Variants in YLPM1 observed in about 807,000 individuals in gnomAD.
YLPM1 encodes the protein YLP motif-containing protein 1.
YLPM1 carries 99 observed loss-of-function variants against 230.0 expected under a neutral mutation model. That is an observed-to-expected ratio of 0.43 (90% confidence interval 0.37 to 0.51). YLPM1 has a LOEUF of 0.51. YLPM1 is among the 20% of genes least tolerant of loss of function. The pLI is 0.00. For synonymous variants in YLPM1, 984 were observed against 942.5 expected (o/e 1.04, Z -0.81); for missense variants, 2,592 against 2,707.7 (o/e 0.96, Z 0.95).
chr14:74,763,585 G>T lies in YLPM1; in HGVS notation c.96G>T (p.Pro32=). 1 of 1,580,766 alleles carries T rather than the reference G, an allele frequency of 6.3e-7. No individual in the cohort carries two copies. ...CAGTGGCGCTTCCTGAGGCCTCGCC[G>T]GGGCCCGGGTACTCGAGCTCGACGA... ...PPPVALPEAS[P]GPGYSSSTTP... Residue 32 remains proline (P), a synonymous_variant, in exon 1 of 21, where the codon CCG becomes CCT. Transcript: ENST00000325680.
In YLPM1 at chr14:74,799,452, A is replaced by G; in HGVS notation, c.4155A>G (p.Glu1385=). ...EYPERGDTWR[E]KRDYVPDRMD... is the part of the protein sequence containing the mutation. The stretch of plus-strand genomic sequence containing the variant: ...CAGAAAGAGGAGATACATGGCGGGA[A>G]AAGCGAGATTATGTTCCTGACAGAA... The change falls in exon 5 of 21, where the codon GAA becomes GAG. Residue 1385 remains glutamate (E), a synonymous_variant. Coordinates refer to ENST00000325680, the MANE Select transcript of YLPM1 (RefSeq NM_019589.3). 2 of 1,614,014 alleles carry G rather than the reference A, an allele frequency of 1.2e-6. No homozygotes were observed. The highest frequency in any genetic ancestry group is 2.2e-5 in the South Asian group (2 of 91,082).
chr14:74,823,903 A>G (rs2091542954), intron 17 of YLPM1: 1 of 171,562 alleles, frequency 5.8e-6, no homozygotes, highest in Non-Finnish European at 1.2e-5. Context: ...AAATTCTCTG[A>G]TACTCTGAGT....
At chr14:74,808,335 T>C (rs2091398976) in intron 6 of YLPM1, among the ~76,000 whole-genome samples, 1 of 152,236 alleles carries the variant, frequency 6.6e-6, no homozygotes, top group Non-Finnish European at 1.5e-5. Context: ...TTTCTTTTTA[T>C]TTATAACCTG....
chr14:74,835,126 T>G, intron 19 of YLPM1, 139 bp from the exon 20 acceptor site: 1 of 1,094,190 alleles, frequency 9.1e-7, no homozygotes. Context: ...CTTTTCCCAG[T>G]TTTCCTGGGT....
chr14:74,778,573 G>A lies in YLPM1; in HGVS notation c.1000G>A (p.Val334Ile). The part of the protein sequence containing the change: ...KDTPEPVKEE[V>I]TVPATSQVPE... Reference sequence around the variant, plus strand: ...TACACCAGAGCCGGTAAAAGAAGAAGTTACAGTACCTGCCACCAGTCAAGT... The same window carrying A: ...TACACCAGAGCCGGTAAAAGAAGAAATTACAGTACCTGCCACCAGTCAAGT... Residue 334 changes from valine (V) to isoleucine (I), a missense_variant, in exon 2 of 21, where the codon GTT becomes ATT. Val to Ile is a conservative substitution (Grantham distance 29, BLOSUM62 3). Transcript: ENST00000325680. 1 of 1,604,786 alleles carries A rather than the reference G, an allele frequency of 6.2e-7. No individual in the cohort carries two copies. Among genetic ancestry groups the A allele is most frequent in the Non-Finnish European group, 8.5e-7 (1 of 1,175,822 alleles).
intron 11 of YLPM1, among the ~76,000 whole-genome samples, chr14:74,814,328 T>C (rs2091460110): frequency 6.6e-6 from 1 of 152,180 alleles, no homozygotes; most frequent in Non-Finnish European, 1.5e-5. Flanking sequence ...GCCACTGCAC[T>C]CCAGCCTGGG....
chr14:74,775,418 T>C (rs2091025853), intron 1 of YLPM1, among the ~76,000 whole-genome samples: 1 of 152,218 alleles, frequency 6.6e-6, no homozygotes, highest in Non-Finnish European at 1.5e-5. Context: ...ATGCATCTGT[T>C]TGCATATGGA....
chr14:74,821,276 G>A (rs1186331628), intron 17 of YLPM1, 139 bp downstream of exon 17: 3 of 1,258,186 alleles, frequency 2.4e-6, no homozygotes, highest in Non-Finnish European at 3.1e-6. Flanking sequence ...TCTTCAAGGA[G>A]ACTTTTGGAT....
intron 16 of YLPM1, 89 bp from the exon 17 acceptor site, chr14:74,820,960 TCTGGGCAA>T: frequency 7.6e-7 from 1 of 1,314,206 alleles, no homozygotes. Context: ...CCTGTCTTGC[TCTGGGCAA>T]CTGTATTCAT....
At chr14:74,834,111 G>A (rs1408095249) in intron 19 of YLPM1, among the ~76,000 whole-genome samples, 1 of 151,052 alleles carries the variant, frequency 6.6e-6, no homozygotes, top group Non-Finnish European at 1.5e-5. Context: ...CACTTTGGGC[G>A]GCCAAGGCAG....
In YLPM1 at chr14:74,782,529, A is replaced by G. The variant is rs185249142; in HGVS notation, c.2282+204A>G. ...TCTTTGATGTCTCTGCTTTTGTCCT[A>G]TATGTAGAGATTATAATCCAGAATG... On this transcript the variant is annotated intron_variant, in intron 4 of 20. Coordinates refer to ENST00000325680, the MANE Select transcript of YLPM1 (RefSeq NM_019589.3). Among the ~76,000 whole-genome samples, 15 of 152,188 alleles carry G rather than the reference A, an allele frequency of 9.9e-5. No individual in the cohort carries two copies. The East Asian group carries it at 2.5e-3, about 25-fold the overall frequency.
chr14:74,807,511 G>A (rs1006863568), intron 6 of YLPM1, among the ~76,000 whole-genome samples: 3 of 152,058 alleles, frequency 2.0e-5, no homozygotes, highest in Non-Finnish European at 2.9e-5. Flanking sequence ...GCAAGACCCC[G>A]TCTTTACCAA....
intron 18 of YLPM1, chr14:74,827,690 G>A: frequency 1.0e-6 from 1 of 985,340 alleles, no homozygotes; most frequent in Non-Finnish European, 1.2e-6. Flanking sequence ...ATCCTTTGAG[G>A]TTTATCTAAT....
intron 15 of YLPM1, 69 bp from the exon 16 acceptor site, chr14:74,818,162 T>C (rs2091494110): frequency 3.4e-6 from 3 of 870,390 alleles, no homozygotes; most frequent in African/African-American, 3.5e-5. Flanking sequence ...AAATGTTGTT[T>C]ATCTTGGATG....
At chr14:74,817,540 C>A (rs2091488949) in intron 15 of YLPM1, among the ~76,000 whole-genome samples, 1 of 152,110 alleles carries the variant, frequency 6.6e-6, no homozygotes, top group Non-Finnish European at 1.5e-5. Flanking sequence ...TAAGTATACT[C>A]CATGATGTTC....
chr14:74,781,345 A>G lies in YLPM1; in HGVS notation c.1302A>G (p.Val434=). Reference sequence around the variant, plus strand: ...CCCTTTATTTGTAGACCATGTCTGTAGATATGCAGCTGCGGCATTATGAGA... The same window carrying G: ...CCCTTTATTTGTAGACCATGTCTGTGGATATGCAGCTGCGGCATTATGAGA... ...QPPPHIQTMS[V]DMQLRHYEMQ... The change falls in exon 4 of 21, where the codon GTA becomes GTG. Residue 434 remains valine, a synonymous_variant. Transcript: ENST00000325680. The G allele has an allele frequency of 6.4e-7, 1 of 1,563,024 alleles. No individual in the cohort carries two copies. The highest frequency in any genetic ancestry group is 8.7e-7 in the Non-Finnish European group (1 of 1,153,040).
Position 74,821,136 on chromosome 14 carries a change from TG to T in YLPM1, c.6111+1del. The part of the protein sequence containing the change: ...KKDAEEEESE[L>X]GYIPKSKWEM... ...GATGCAGAGGAAGAGGAAAGCGAAC[TG>T]GTAGGAGACAGACCAACCACTTTGA... On this transcript the variant is annotated frameshift_variant and splice_region_variant, in exon 17 of 21. Transcript: ENST00000325680. LOFTEE classifies it high-confidence loss of function. The T allele has an allele frequency of 6.5e-7, 1 of 1,543,790 alleles. No homozygotes were observed. The highest frequency in any genetic ancestry group is 1.2e-5 in the South Asian group (1 of 81,760).
chr14:74,783,388 G>C (rs551038235), intron 4 of YLPM1, among the ~76,000 whole-genome samples: 6 of 152,264 alleles, frequency 3.9e-5, no homozygotes, highest in Admixed American at 3.3e-4. Flanking sequence ...CGCTCAGCCA[G>C]AAAAATACTT....
intron 6 of YLPM1, 60 bp from the exon 7 acceptor site, chr14:74,809,320 A>G: frequency 6.6e-7 from 1 of 1,513,294 alleles, no homozygotes; most frequent in Non-Finnish European, 8.8e-7. Context: ...TTTAATTTCC[A>G]CTGATCTATA....
Sources: allele counts gnomAD v4.1 joint callset (sites outside exome capture counted in the v4.1 genomes callset), GRCh38; gene constraint gnomAD v4.1.1; transcripts MANE v1.5; gene names NCBI Gene and HGNC (gene_info 2026-07-23, HGNC 2026-07-21).